Variants in OR3A2 observed in about 807,000 individuals in gnomAD.
The protein encoded by OR3A2 is olfactory receptor family 3 subfamily A member 2.
For missense variants in OR3A2, 318 were observed against 392.8 expected, an observed-to-expected ratio of 0.81 and a Z score of 1.61; for synonymous variants, 126 against 159.3, an observed-to-expected ratio of 0.79 and a Z score of 1.57.
chr17:3,283,580 T>C (rs1205119207), intron 1 of OR3A2, among the ~76,000 whole-genome samples: 2 of 152,182 alleles, frequency 1.3e-5, no homozygotes, highest in Non-Finnish European at 2.9e-5. Context: ...ATATCATCAG[T>C]ATGAGCTAGA....
At chr17:3,325,335 G>A (rs1462306574) in intron 3 of OR3A2, among the ~76,000 whole-genome samples, 2 of 150,626 alleles carry the variant, frequency 1.3e-5, no homozygotes, top group East Asian at 2.0e-4. Flanking sequence ...TCAGCCTCCT[G>A]AGTAGCTGGG....
upstream of OR3A2, among the ~76,000 whole-genome samples, chr17:3,284,988 G>A (rs143030299): frequency 9.2e-5 from 14 of 152,240 alleles, no homozygotes; most frequent in African/African-American, 1.2e-4. Flanking sequence ...GTAGTGAGGC[G>A]CTTTCTCTCC....
intron 1 of OR3A2, among the ~76,000 whole-genome samples, chr17:3,284,152 T>C (rs1185000174): frequency 6.7e-6 from 1 of 148,936 alleles, no homozygotes; most frequent in Admixed American, 6.7e-5. Flanking sequence ...ACACTCATGC[T>C]AACAGGCAGC....
chr17:3,370,766 C>A (rs558983792), intron 2 of OR3A2, among the ~76,000 whole-genome samples: 5 of 151,516 alleles, frequency 3.3e-5, no homozygotes, highest in South Asian at 4.2e-4. Flanking sequence ...AGGCAGAGGA[C>A]CCTGCGGCCT....
chr17:3,365,433 T>G (rs764025152), intron 2 of OR3A2, among the ~76,000 whole-genome samples: 3 of 152,232 alleles, frequency 2.0e-5, no homozygotes, highest in Non-Finnish European at 4.4e-5. Context: ...GCCACAGCAC[T>G]GAGTTTGTCA....
At chr17:3,284,560 G>A (rs527479432), upstream of OR3A2, 1 of 149,720 alleles carries the variant, frequency 6.7e-6, no homozygotes, top group South Asian at 2.1e-4. Context: ...TCCTAGGAGA[G>A]AGAAGGATGG....
intron 1 of OR3A2, among the ~76,000 whole-genome samples, chr17:3,280,107 G>C (rs949306365): frequency 2.6e-5 from 4 of 152,122 alleles, no homozygotes; most frequent in African/African-American, 9.7e-5. Flanking sequence ...TGTGGTCATA[G>C]CCTGTGGGTT....
At chr17:3,331,407 C>T (rs1247808746) in intron 3 of OR3A2, among the ~76,000 whole-genome samples, 2 of 150,894 alleles carry the variant, frequency 1.3e-5, no homozygotes, top group East Asian at 1.9e-4. Flanking sequence ...GGAGGCTTTG[C>T]TCATTTCTTT....
intron 3 of OR3A2, among the ~76,000 whole-genome samples, chr17:3,306,429 C>T (rs1006181210): frequency 2.6e-5 from 4 of 152,040 alleles, no homozygotes; most frequent in Admixed American, 6.5e-5. Flanking sequence ...AGGCACAAGC[C>T]ACCGCATCCA....
chr17:3,352,117 T>C (rs533969839), intron 2 of OR3A2, among the ~76,000 whole-genome samples: 20 of 152,130 alleles, frequency 1.3e-4, no homozygotes, highest in African/African-American at 4.6e-4. Context: ...TTTTTTCCTA[T>C]AGAGTTGCTG....
intron 2 of OR3A2, among the ~76,000 whole-genome samples, chr17:3,342,917 T>A (rs923583769): frequency 2.0e-5 from 3 of 152,082 alleles, no homozygotes; most frequent in Non-Finnish European, 4.4e-5. Context: ...GCGGGCCTCG[T>A]TGGCTTCCTG....
chr17:3,281,319 C>T (rs368387514), intron 1 of OR3A2, among the ~76,000 whole-genome samples: 1 of 151,720 alleles, frequency 6.6e-6, no homozygotes, highest in African/African-American at 2.4e-5. Flanking sequence ...CTGCAACCTC[C>T]GCCTCCCAGG....
intron 3 of OR3A2, among the ~76,000 whole-genome samples, chr17:3,300,341 C>G (rs1021362057): frequency 4.6e-5 from 7 of 152,086 alleles, no homozygotes; most frequent in Admixed American, 2.0e-4. Context: ...GGGGGATCAC[C>G]TGAGGTCAGG....
At position 3,311,462 on chromosome 17, in the gene OR3A2, C is replaced by T; in HGVS notation, c.-85+24571G>A. The T allele has an allele frequency of 2.2e-6, 1 of 455,306 alleles. No homozygotes were observed. Among genetic ancestry groups the T allele is most frequent in the Non-Finnish European group, 4.5e-6 (1 of 221,120 alleles). 28.2% of individuals were successfully genotyped at this position (455,306 alleles called of 1,614,324 possible). A position where few individuals can be genotyped will look rare whatever the true frequency, so the allele number is the denominator to read the frequency against. On this transcript the variant is annotated intron_variant, in intron 3 of 4. Transcript: ENST00000573491. The surrounding 1 kb of genome is among the most constrained non-coding windows in gnomAD (Gnocchi z 4.6). ...TGCTGCACTGTCTCCTTCATCAATG[C>T]TCTGACTCACACAGTGGCTGTGTCT...
At chr17:3,309,498 A>G (rs2049023556) in intron 3 of OR3A2, among the ~76,000 whole-genome samples, 1 of 152,158 alleles carries the variant, frequency 6.6e-6, no homozygotes, top group African/African-American at 2.4e-5. Flanking sequence ...CTTGGTATCC[A>G]CCAAACCCAC....
At chr17:3,343,275 C>G (rs956006372) in intron 2 of OR3A2, among the ~76,000 whole-genome samples, 1 of 152,174 alleles carries the variant, frequency 6.6e-6, no homozygotes, top group Non-Finnish European at 1.5e-5. Flanking sequence ...CACTGTCCAA[C>G]CAGTTCCAAT....
chr17:3,362,629 G>T (rs947799302), intron 2 of OR3A2, among the ~76,000 whole-genome samples: 1 of 151,488 alleles, frequency 6.6e-6, no homozygotes, highest in African/African-American at 2.4e-5. Context: ...CTTTGTTCTC[G>T]TTGGTTTCAA....
chr17:3,330,205 A>G (rs1046821440), intron 3 of OR3A2, among the ~76,000 whole-genome samples: 27 of 151,048 alleles, frequency 1.8e-4, no homozygotes, highest in Non-Finnish European at 2.2e-4. Flanking sequence ...TGGGGTGGAG[A>G]GTTCTGTAGA....
intron 2 of OR3A2, among the ~76,000 whole-genome samples, chr17:3,347,914 C>T (rs1002648333): frequency 2.0e-5 from 3 of 152,190 alleles, no homozygotes; most frequent in Non-Finnish European, 2.9e-5. Flanking sequence ...CTATTGCTTC[C>T]TGACTTTTTA....
Sources: allele counts gnomAD v4.1 joint callset (sites outside exome capture counted in the v4.1 genomes callset), GRCh38; gene constraint gnomAD v4.1.1; non-coding constraint Gnocchi (gnomAD v3.1); transcripts MANE v1.5; gene names NCBI Gene and HGNC (gene_info 2026-07-23, HGNC 2026-07-21).